Variants in SORBS2 observed in about 807,000 individuals in gnomAD.
SORBS2 encodes the protein sorbin and SH3 domain-containing protein 2.
A neutral mutation model predicts 97.7 loss-of-function variants in SORBS2; 46 were observed. The observed-to-expected ratio is 0.47, with a 90% confidence interval of 0.37 to 0.60. SORBS2 has a LOEUF of 0.60. Among genes scored for constraint, SORBS2 ranks in the 20% least tolerant of loss-of-function variants. The pLI, the probability that SORBS2 is intolerant of heterozygous loss-of-function variation, is 0.00. For synonymous variants in SORBS2, 476 were observed against 473.4 expected (o/e 1.01, Z -0.07); for missense variants, 1,316 against 1,282.3 (o/e 1.03, Z -0.40).
intron 1 of SORBS2, among the ~76,000 whole-genome samples, chr4:185,870,018 C>T (rs1214620408): frequency 1.3e-5 from 2 of 152,120 alleles, no homozygotes; most frequent in African/African-American, 4.8e-5. Context: ...TAATTGTTTA[C>T]TGAGGGAGTA....
chr4:185,811,002 G>A (rs34011237), intron 1 of SORBS2: 40,941 of 152,034 alleles, frequency 0.27, 6,493 homozygotes, highest in East Asian at 0.63. Context: ...TCTGAGCCGG[G>A]GGAGCACAAT....
At chr4:185,741,040 C>G (rs2098721770) in intron 2 of SORBS2, among the ~76,000 whole-genome samples, 1 of 152,178 alleles carries the variant, frequency 6.6e-6, no homozygotes, top group African/African-American at 2.4e-5. Context: ...CCAGCACCAA[C>G]TCAGCCTAGC....
At chr4:185,841,989 T>C (rs185779038) in intron 1 of SORBS2, among the ~76,000 whole-genome samples, 1 of 152,334 alleles carries the variant, frequency 6.6e-6, no homozygotes, top group African/African-American at 2.4e-5. Context: ...ATCTACTCCG[T>C]GCTCAGGGAG....
rs1328946648 is a variant in SORBS2, at chr4:185,651,841, A to T, written c.91+821T>A. ...TCTGTGTCATCATCTAGAAAATGAA[A>T]CATAAATATTATGGTAATATAGATT... On this transcript the variant is annotated intron_variant, in intron 2 of 14. Transcript: ENST00000418609. 5.6e-6 allele frequency: 7 copies of T among 1,261,102 alleles called. No homozygotes were observed. The highest frequency in any genetic ancestry group is 1.5e-5 in the African/African-American group (1 of 67,898). 78.1% of individuals were successfully genotyped at this position (1,261,102 alleles called of 1,614,324 possible).
At chr4:185,652,693 C>T in exon 2 of SORBS2, 4 of 1,614,184 alleles carry the variant, frequency 2.5e-6, no homozygotes, top group Non-Finnish European at 3.4e-6. Context: ...TTTGCTTAAA[C>T]ATCGTCTTGT....
At chr4:185,707,578 G>T (rs1185122956) in intron 2 of SORBS2, among the ~76,000 whole-genome samples, 1 of 151,608 alleles carries the variant, frequency 6.6e-6, no homozygotes, top group Non-Finnish European at 1.5e-5. Flanking sequence ...TGCTGCTTTT[G>T]ATGCTTGTTC....
At chr4:185,742,037 C>T (rs567423556) in intron 2 of SORBS2, among the ~76,000 whole-genome samples, 48 of 152,180 alleles carry the variant, frequency 3.2e-4, no homozygotes, top group Non-Finnish European at 5.3e-4. Context: ...TCTCTGAAAT[C>T]GGCATCTTGG....
chr4:185,823,000 T>C (rs1476574722), intron 1 of SORBS2, among the ~76,000 whole-genome samples: 2 of 152,194 alleles, frequency 1.3e-5, no homozygotes, highest in East Asian at 1.9e-4. Context: ...AAGCAGAAGC[T>C]ACAGATAGAA....
rs77080018 is a variant in SORBS2, at chr4:185,706,557, A to G, written c.-197-27735T>C. On this transcript the variant is annotated intron_variant, in intron 2 of 20. Coordinates refer to the SORBS2 transcript ENST00000284776. ...CCTTTCCTTCCTTCTGTCACTAAAC[A>G]TCTACACACCAACCATCTAAAGCCA... 8.9e-3 allele frequency among the ~76,000 whole-genome samples: 1,352 copies of G among 152,260 alleles called. 28 individuals carry two copies. Among genetic ancestry groups the G allele is most frequent in the African/African-American group, 0.031 (1,276 of 41,540 alleles).
intron 13 of SORBS2, 36 bp from the exon 26 acceptor site, chr4:185,589,821 T>G (rs111716388): frequency 6.5e-6 from 7 of 1,074,386 alleles, no homozygotes; most frequent in African/African-American, 3.1e-5. Flanking sequence ...TAAAAACATC[T>G]TGACACCTTC....
At chr4:185,851,485 A>AT (rs1465025055) in intron 1 of SORBS2, among the ~76,000 whole-genome samples, 2 of 152,106 alleles carry the variant, frequency 1.3e-5, no homozygotes, top group Non-Finnish European at 2.9e-5. Context: ...TCCTTTTGGG[A>AT]TTTTTTTAAA....
chr4:185,747,728 G>A (rs991207145), intron 2 of SORBS2, among the ~76,000 whole-genome samples: 4 of 152,120 alleles, frequency 2.6e-5, no homozygotes, highest in East Asian at 3.9e-4. Context: ...GCTCGGGCGC[G>A]GTGGCTCACA....
intron 1 of SORBS2, among the ~76,000 whole-genome samples, chr4:185,805,035 T>C (rs550725850): frequency 2.0e-5 from 3 of 152,222 alleles, no homozygotes; most frequent in African/African-American, 7.2e-5. Flanking sequence ...AAATTTTAAC[T>C]CTTTAGGTTG....
At chr4:185,761,597 T>C (rs1219724112) in intron 2 of SORBS2, 1 of 152,198 alleles carries the variant, frequency 6.6e-6, no homozygotes, top group Non-Finnish European at 1.5e-5. Flanking sequence ...TGCTTATTAA[T>C]TGAAGAAGAA....
chr4:185,658,403 C>T (rs1478080228), upstream of SORBS2, among the ~76,000 whole-genome samples: 1 of 56,178 alleles, frequency 1.8e-5, no homozygotes, highest in Non-Finnish European at 4.1e-5. Context: ...ACTTCTAATA[C>T]ACAGGAATTT....
At chr4:185,654,761 G>A (rs1434431873) in intron 1 of SORBS2, among the ~76,000 whole-genome samples, 12 of 152,234 alleles carry the variant, frequency 7.9e-5, no homozygotes, top group African/African-American at 2.9e-4. Flanking sequence ...ACTTTTGTAC[G>A]TAAAATCATT....
At chr4:185,793,426 T>C (rs750126051) in intron 1 of SORBS2, among the ~76,000 whole-genome samples, 2 of 152,220 alleles carry the variant, frequency 1.3e-5, no homozygotes, top group Admixed American at 6.5e-5. Flanking sequence ...TGCAATGTAA[T>C]TAATTGGGAC....
intron 1 of SORBS2, among the ~76,000 whole-genome samples, chr4:185,879,129 G>A (rs1164650920): frequency 5.2e-5 from 7 of 135,302 alleles, no homozygotes; most frequent in South Asian, 2.2e-4. Flanking sequence ...CCATTAACTC[G>A]CCATTTACAT....
chr4:185,746,035 A>C (rs896383567), intron 2 of SORBS2, among the ~76,000 whole-genome samples: 10 of 152,244 alleles, frequency 6.6e-5, no homozygotes, highest in Non-Finnish European at 1.5e-4. Flanking sequence ...AATAGAGGGA[A>C]TAACAAAGTG....
Sources: allele counts gnomAD v4.1 joint callset (sites outside exome capture counted in the v4.1 genomes callset), GRCh38; gene constraint gnomAD v4.1.1; transcripts MANE v1.5; gene names NCBI Gene and HGNC (gene_info 2026-07-23, HGNC 2026-07-21).